The following NBEA variants were observed in gnomAD, a reference collection of about 807,000 sequenced individuals.
The protein encoded by NBEA is lysosomal-trafficking regulator 2.
Under a neutral mutation model 343.4 loss-of-function variants are expected in NBEA, and 44 were observed. That is an observed-to-expected ratio of 0.13 (90% CI 0.10 to 0.16). The LOEUF is 0.16. Among genes scored for constraint, NBEA ranks in the 10% least tolerant of loss-of-function variants. The probability of loss-of-function intolerance (pLI) is 1.00; values close to 1 mark genes in which losing one functional copy is unlikely to be tolerated. For synonymous variants in NBEA, 1,175 were observed against 1,238.7 expected, an observed-to-expected ratio of 0.95 and a Z score of 1.08; for missense variants, 2,555 against 3,631.3, an observed-to-expected ratio of 0.70 and a Z score of 7.62.
chr13:35,012,533 A>C (rs1227885370), intron 1 of NBEA, among the ~76,000 whole-genome samples: 1 of 152,202 alleles, frequency 6.6e-6, no homozygotes, highest in Non-Finnish European at 1.5e-5. Context: ...TAGAGTCTTT[A>C]GTCCTGCAGC....
At chr13:35,267,232 AT>A (rs2033756787) in intron 34 of NBEA, among the ~76,000 whole-genome samples, 1 of 151,952 alleles carries the variant, frequency 6.6e-6, no homozygotes, top group Non-Finnish European at 1.5e-5. Flanking sequence ...ACTGTATTAT[AT>A]TTTTGAAAAA....
chr13:35,123,421 G>A (rs1847110690), intron 16 of NBEA, 61 bp from the exon 17 acceptor site: 7 of 832,832 alleles, frequency 8.4e-6, no homozygotes, highest in Admixed American at 8.0e-5. Flanking sequence ...TGTAAAGCAT[G>A]TAGTGTGTTT....
At chr13:35,612,891 T>A (rs1432064693) in intron 48 of NBEA, among the ~76,000 whole-genome samples, 1 of 152,052 alleles carries the variant, frequency 6.6e-6, no homozygotes, top group African/African-American at 2.4e-5. Context: ...AGTGAGAACT[T>A]TTTAGAAGCA....
chr13:35,217,860 A>G (rs755306730), intron 33 of NBEA, among the ~76,000 whole-genome samples: 44 of 152,196 alleles, frequency 2.9e-4, no homozygotes, highest in Non-Finnish European at 5.9e-4. Flanking sequence ...ATTCTTTTCA[A>G]AAAATTATTC....
intron 31 of NBEA, 24 bp from the exon 32 acceptor site, chr13:35,208,676 T>G: frequency 1.3e-6 from 2 of 1,529,000 alleles, no homozygotes; most frequent in Non-Finnish European, 1.8e-6. Context: ...TGTTTGTTAT[T>G]TTCAATCCTT....
rs115604417 is a variant in NBEA at position 35,057,330 on chromosome 13, G to A, written c.1092+1201G>A. ...TCCACAGTTTGTCCCCTAGATTGGG[G>A]CTGGGCAGACTACACCCTATGAGCC... is the stretch of plus-strand genomic sequence containing the variant. On this transcript the variant is annotated intron_variant, in intron 7 of 58. Coordinates refer to ENST00000379939, the MANE Select transcript of NBEA (RefSeq NM_001385012.1). Among the ~76,000 whole-genome samples, 969 of 152,174 alleles carry A rather than the reference G, an allele frequency of 6.4e-3. 11 individuals are homozygous for A. Among genetic ancestry groups the A allele is most frequent in the African/African-American group, 0.022 (928 of 41,534 alleles).
intron 1 of NBEA, among the ~76,000 whole-genome samples, chr13:34,978,983 A>C (rs2152504926): frequency 6.6e-6 from 1 of 152,168 alleles, no homozygotes; most frequent in East Asian, 1.9e-4. Context: ...AATACCTAAG[A>C]ATGTAATTAT....
intron 30 of NBEA, among the ~76,000 whole-genome samples, chr13:35,192,326 T>C (rs564430057): frequency 1.3e-5 from 2 of 152,152 alleles, no homozygotes; most frequent in Non-Finnish European, 2.9e-5. Context: ...CTGTTAAAGA[T>C]GTAAATGCAT....
chr13:35,028,986 G>A (rs2062108832), intron 1 of NBEA, among the ~76,000 whole-genome samples: 1 of 151,342 alleles, frequency 6.6e-6, no homozygotes, highest in Non-Finnish European at 1.5e-5. Context: ...TCCATTGTAT[G>A]GACTATATTA....
chr13:34,970,264 A>G (rs1307523236), intron 1 of NBEA, among the ~76,000 whole-genome samples: 1 of 151,606 alleles, frequency 6.6e-6, no homozygotes, highest in African/African-American at 2.4e-5. Flanking sequence ...TTCCTTGTAA[A>G]TTTGTTTAAG....
At chr13:34,971,764 G>T (rs1329014076) in intron 1 of NBEA, among the ~76,000 whole-genome samples, 1 of 151,200 alleles carries the variant, frequency 6.6e-6, no homozygotes, top group Non-Finnish European at 1.5e-5. Flanking sequence ...GCAGTATTTT[G>T]TTGAGGATTT....
At chr13:35,270,816 T>C (rs2034076338) in intron 34 of NBEA, among the ~76,000 whole-genome samples, 1 of 152,124 alleles carries the variant, frequency 6.6e-6, no homozygotes, top group Admixed American at 6.5e-5. Context: ...GGCAGGTATA[T>C]GCTCACAGTG....
At chr13:35,341,913 A>G (rs754546709) in intron 36 of NBEA, among the ~76,000 whole-genome samples, 23 of 152,100 alleles carry the variant, frequency 1.5e-4, no homozygotes, top group Non-Finnish European at 2.8e-4. Flanking sequence ...GTTCACAAAA[A>G]ACTATTCATA....
chr13:35,213,885 TGTG>T (rs2073922764), intron 33 of NBEA, among the ~76,000 whole-genome samples: 1 of 151,976 alleles, frequency 6.6e-6, no homozygotes, highest in Admixed American at 6.6e-5. Flanking sequence ...GAAAGTTCTG[TGTG>T]CCCTGTTTGT....
At chr13:35,634,076 G>GACA (rs2083590159) in intron 49 of NBEA, among the ~76,000 whole-genome samples, 1 of 152,050 alleles carries the variant, frequency 6.6e-6, no homozygotes, top group Non-Finnish European at 1.5e-5. Context: ...CAGGCGCTGT[G>GACA]GCTCATGCCT....
chr13:35,014,475 G>A (rs2061584950), intron 1 of NBEA, among the ~76,000 whole-genome samples: 1 of 152,114 alleles, frequency 6.6e-6, no homozygotes, highest in South Asian at 2.1e-4. Flanking sequence ...AGGCCTTAGA[G>A]GTCATATAAT....
intron 40 of NBEA, among the ~76,000 whole-genome samples, chr13:35,470,550 T>C (rs1187523540): frequency 2.0e-5 from 3 of 152,214 alleles, no homozygotes; most frequent in Admixed American, 2.0e-4. Context: ...TTGAGGTTTT[T>C]AGCAATGCCC....
At chr13:35,144,629 C>T (rs531982448) in intron 18 of NBEA, among the ~76,000 whole-genome samples, 2 of 152,298 alleles carry the variant, frequency 1.3e-5, no homozygotes, top group South Asian at 4.1e-4. Flanking sequence ...CCTTCCCCTT[C>T]AGAGATGTCC....
At chr13:35,498,263 A>T (rs2076757946) in intron 41 of NBEA, among the ~76,000 whole-genome samples, 1 of 151,986 alleles carries the variant, frequency 6.6e-6, no homozygotes, top group South Asian at 2.1e-4. Flanking sequence ...TTGTTTTTTT[A>T]TATGTCCAGT....
Sources: gnomAD v4.1 joint callset for allele counts (sites outside exome capture counted in the v4.1 genomes callset) on GRCh38, gnomAD v4.1.1 for gene constraint, MANE v1.5 for transcripts, NCBI Gene and HGNC (gene_info 2026-07-23, HGNC 2026-07-21) for gene names.